SCMH1: variants seen among roughly 807,000 people sequenced by gnomAD.
SCMH1 encodes the protein Scm polycomb group protein homolog 1, also known as polycomb protein SCMH1.
In SCMH1, 37 loss-of-function variants were observed where a neutral mutation model predicts 70.8. The ratio of observed to expected loss-of-function variants is 0.52; its 90% CI spans 0.40 to 0.69. The LOEUF is 0.69. Ranked by LOEUF, SCMH1 falls within the 30% of genes least tolerant of loss-of-function variation. The pLI, the probability that SCMH1 is intolerant of heterozygous loss-of-function variation, is 0.00. For missense variants in SCMH1, 607 were observed against 827.3 expected (o/e 0.73, Z 3.27); for synonymous variants, 292 against 307.4 (o/e 0.95, Z 0.52).
chr1:41,034,038 T>A, intron 13 of SCMH1: 5 of 1,610,706 alleles, frequency 3.1e-6, no homozygotes, highest in Non-Finnish European at 3.4e-6. Flanking sequence ...CATTTGATCC[T>A]TTTAACACTC....
chr1:41,142,952 C>T (rs1056067366), exon 6 of SCMH1: 7 of 1,614,006 alleles, frequency 4.3e-6, no homozygotes, highest in African/African-American at 1.3e-5. Context: ...GTCAACCAGC[C>T]GCCAGAAGTC....
chr1:41,166,812 T>C (rs1449270192), intron 2 of SCMH1, among the ~76,000 whole-genome samples: 1 of 152,136 alleles, frequency 6.6e-6, no homozygotes, highest in Non-Finnish European at 1.5e-5. Flanking sequence ...ATTTCACTCT[T>C]TCCTATTTGG....
At chr1:41,208,318 C>A (rs1656082750) in intron 1 of SCMH1, among the ~76,000 whole-genome samples, 1 of 127,550 alleles carries the variant, frequency 7.8e-6, no homozygotes. Flanking sequence ...GGAGATATAC[C>A]TAATGCTAGA....
intron 12 of SCMH1, among the ~76,000 whole-genome samples, chr1:41,044,079 C>T (rs939213130): frequency 1.3e-5 from 2 of 152,098 alleles, no homozygotes; most frequent in Admixed American, 6.5e-5. Flanking sequence ...GTAGTCTCAA[C>T]TTAGGTAGGA....
chr1:41,048,054 T>A (rs1357510262), intron 11 of SCMH1, among the ~76,000 whole-genome samples: 1 of 152,140 alleles, frequency 6.6e-6, no homozygotes, highest in African/African-American at 2.4e-5. Flanking sequence ...GAATATGGAA[T>A]AGCATCAGTT....
At chr1:41,089,920 T>A (rs1662912844) in intron 8 of SCMH1, among the ~76,000 whole-genome samples, 1 of 150,468 alleles carries the variant, frequency 6.6e-6, no homozygotes, top group Non-Finnish European at 1.5e-5. Context: ...GCCTCTCGAG[T>A]AGCTGGGACT....
chr1:41,057,351 C>T (rs540571371), intron 10 of SCMH1, among the ~76,000 whole-genome samples: 2 of 152,180 alleles, frequency 1.3e-5, no homozygotes, highest in Non-Finnish European at 2.9e-5. Flanking sequence ...CTGCAACCTC[C>T]GCCTCCCGGG....
chr1:41,161,480 A>G (rs1646026260), intron 2 of SCMH1, 48 bp from the exon 3 acceptor site: 1 of 1,510,726 alleles, frequency 6.6e-7, no homozygotes, highest in Non-Finnish European at 8.8e-7. Flanking sequence ...GTATAAGATT[A>G]AATACTTTTC....
At chr1:41,199,540 T>A (rs1653808735) in intron 1 of SCMH1, among the ~76,000 whole-genome samples, 2 of 152,212 alleles carry the variant, frequency 1.3e-5, no homozygotes, top group Non-Finnish European at 2.9e-5. Flanking sequence ...AGATTTTTTT[T>A]AAGCTGAACT....
chr1:41,058,378 G>GTTTTTGTTTTTT (rs1651274417), intron 10 of SCMH1, among the ~76,000 whole-genome samples: 1 of 81,638 alleles, frequency 1.2e-5, no homozygotes, highest in South Asian at 6.4e-4. Flanking sequence ...TTTCTTTCTT[G>GTTTTTGTTTTTT]TTTTTTTTTT....
At chr1:41,179,932 T>C (rs932561046) in intron 2 of SCMH1, among the ~76,000 whole-genome samples, 15 of 152,172 alleles carry the variant, frequency 9.9e-5, no homozygotes, top group African/African-American at 3.4e-4. Flanking sequence ...TTTAGACCAA[T>C]ATCCTTGATG....
chr1:41,041,631 ACT>A (rs1350618374), intron 12 of SCMH1: 1 of 151,992 alleles, frequency 6.6e-6, no homozygotes, highest in African/African-American at 2.4e-5. Context: ...TCATCTTAAA[ACT>A]CTGACAATTC....
chr1:41,078,550 G>C (rs535158106), intron 8 of SCMH1, among the ~76,000 whole-genome samples: 4 of 152,092 alleles, frequency 2.6e-5, no homozygotes, highest in Admixed American at 1.3e-4. Flanking sequence ...CAGTCAGAGA[G>C]AAAAACAGCA....
At chr1:41,235,905 CAT>C (rs1221609898) in intron 1 of SCMH1, among the ~76,000 whole-genome samples, 2 of 152,158 alleles carry the variant, frequency 1.3e-5, no homozygotes, top group African/African-American at 4.8e-5. Context: ...GAGATTTGCT[CAT>C]GTTACTATAT....
In SCMH1 at chr1:41,173,834, C is replaced by A. The variant is rs115680838; in HGVS notation, c.13+12287G>T. On this transcript the variant is annotated intron_variant, in intron 2 of 14. Coordinates refer to ENST00000337495, the Ensembl canonical transcript of SCMH1. ...TGGCAACATGGATTAGCTTGTAGAACATCAGGTTAATGAAATAAGCCAGGC... is the reference window on the plus strand; with the variant it reads ...TGGCAACATGGATTAGCTTGTAGAAAATCAGGTTAATGAAATAAGCCAGGC... Among the ~76,000 whole-genome samples the A allele has an allele frequency of 7.3e-3, 1,104 of 152,028 alleles. 16 individuals carry two copies. Among genetic ancestry groups the A allele is most frequent in the African/African-American group, 0.025 (1,045 of 41,472 alleles).
intron 6 of SCMH1, among the ~76,000 whole-genome samples, chr1:41,117,962 C>G (rs1670960686): frequency 6.6e-6 from 1 of 152,118 alleles, no homozygotes; most frequent in Non-Finnish European, 1.5e-5. Flanking sequence ...AGTGGTCCCC[C>G]TGGGCCCAGC....
At chr1:41,074,177 G>GGTGA (rs1657471002) in intron 9 of SCMH1, among the ~76,000 whole-genome samples, 1 of 151,666 alleles carries the variant, frequency 6.6e-6, no homozygotes, top group Non-Finnish European at 1.5e-5. Context: ...GCTCAGTGAA[G>GGTGA]GTGACTCAGC....
At chr1:41,039,584 A>T (rs565762036) in intron 12 of SCMH1, among the ~76,000 whole-genome samples, 1 of 151,786 alleles carries the variant, frequency 6.6e-6, no homozygotes, top group Non-Finnish European at 1.5e-5. Context: ...GGTTCAAGCA[A>T]TTCTTGTGCC....
intron 1 of SCMH1, among the ~76,000 whole-genome samples, chr1:41,232,564 G>A (rs1267344489): frequency 3.3e-5 from 5 of 152,196 alleles, no homozygotes; most frequent in Non-Finnish European, 7.3e-5. Context: ...GTTGAAGTCA[G>A]GCTGGTCTGG....
Sources: gnomAD v4.1 joint callset for allele counts (sites outside exome capture counted in the v4.1 genomes callset) on GRCh38, gnomAD v4.1.1 for gene constraint, MANE v1.5 for transcripts, NCBI Gene and HGNC (gene_info 2026-07-23, HGNC 2026-07-21) for gene names.